Variants in COL22A1 observed in about 807,000 individuals in gnomAD.
COL22A1 encodes the protein collagen alpha-1(XXII) chain.
Under a neutral mutation model 248.9 loss-of-function variants are expected in COL22A1, and 221 were observed. The ratio of observed to expected loss-of-function variants is 0.89; its 90% CI spans 0.80 to 0.99. The LOEUF is 0.99. Ranked by LOEUF, COL22A1 falls within the 50% of genes least tolerant of loss-of-function variation. The pLI, the probability that COL22A1 is intolerant of heterozygous loss-of-function variation, is 0.00. For missense variants in COL22A1, 2,240 were observed against 2,179.0 expected (o/e 1.03, Z -0.56); for synonymous variants, 891 against 793.4 (o/e 1.12, Z -2.07).
chr8:138,691,588 T>A (rs749876263), intron 35 of COL22A1, among the ~76,000 whole-genome samples: 31 of 151,206 alleles, frequency 2.1e-4, no homozygotes, highest in Non-Finnish European at 3.4e-4. Flanking sequence ...CGTGTGCATT[T>A]GTGAAGGTGT....
chr8:138,610,182 G>A (rs1244645756), intron 56 of COL22A1, among the ~76,000 whole-genome samples: 1 of 152,192 alleles, frequency 6.6e-6, no homozygotes. Flanking sequence ...CGTGAATGCG[G>A]ACAGAAATCA....
intron 7 of COL22A1, 74 bp downstream of exon 7, chr8:138,821,062 T>G: frequency 6.6e-7 from 1 of 1,521,744 alleles, no homozygotes; most frequent in Non-Finnish European, 9.0e-7. Flanking sequence ...TGGAGAACAC[T>G]GAGGGCACTT....
At chr8:138,743,320 G>A (rs1367673916) in intron 22 of COL22A1, among the ~76,000 whole-genome samples, 1 of 151,858 alleles carries the variant, frequency 6.6e-6, no homozygotes, top group African/African-American at 2.4e-5. Context: ...TGAGGGTGAT[G>A]GTGGTAGTGA....
At chr8:138,869,816 C>T (rs1050912641) in intron 3 of COL22A1, among the ~76,000 whole-genome samples, 9 of 152,172 alleles carry the variant, frequency 5.9e-5, no homozygotes, top group Admixed American at 2.6e-4. Flanking sequence ...CTCTACGTGG[C>T]GGCTCCAAAC....
chr8:138,760,570 A>T (rs1000242505), intron 17 of COL22A1, among the ~76,000 whole-genome samples: 3 of 152,156 alleles, frequency 2.0e-5, no homozygotes, highest in Non-Finnish European at 2.9e-5. Context: ...CCTTAGGGAT[A>T]TGAGGGCCTG....
chr8:138,893,549 G>C (rs534220870), intron 1 of COL22A1, among the ~76,000 whole-genome samples: 1 of 152,156 alleles, frequency 6.6e-6, no homozygotes, highest in Non-Finnish European at 1.5e-5. Flanking sequence ...AAATGGGAAC[G>C]ATATCCCCTA....
chr8:138,743,220 T>C (rs922576577), intron 22 of COL22A1, among the ~76,000 whole-genome samples: 8 of 151,558 alleles, frequency 5.3e-5, no homozygotes, highest in South Asian at 2.1e-4. Context: ...TTGATGGTGA[T>C]AGTAGTAGCG....
intron 12 of COL22A1, among the ~76,000 whole-genome samples, chr8:138,786,085 G>A (rs997100859): frequency 1.3e-5 from 2 of 152,196 alleles, no homozygotes; most frequent in Admixed American, 1.3e-4. Flanking sequence ...AATTGTCGAA[G>A]TGCTCTGAGT....
At chr8:138,685,009 C>G (rs969956018) in intron 38 of COL22A1, among the ~76,000 whole-genome samples, 199 bp downstream of exon 38, 1 of 152,228 alleles carries the variant, frequency 6.6e-6, no homozygotes, top group African/African-American at 2.4e-5. Context: ...CTCTGTATCC[C>G]CAGCACTGGC....
At chr8:138,700,434 C>G (rs1352953736) in intron 31 of COL22A1, among the ~76,000 whole-genome samples, 1 of 152,130 alleles carries the variant, frequency 6.6e-6, no homozygotes, top group Non-Finnish European at 1.5e-5. Flanking sequence ...ATGTCCCCAT[C>G]GGTAAAACGG....
chr8:138,623,692 A>T (rs1377524826), intron 52 of COL22A1, 40 bp downstream of exon 52: 20 of 1,547,470 alleles, frequency 1.3e-5, no homozygotes, highest in Non-Finnish European at 1.8e-5. Context: ...CATGTAATAG[A>T]TTTGGCATGT....
At chr8:138,592,245 T>A (rs1817133517) in intron 63 of COL22A1, among the ~76,000 whole-genome samples, 1 of 152,220 alleles carries the variant, frequency 6.6e-6, no homozygotes, top group Non-Finnish European at 1.5e-5. Flanking sequence ...GAGATCATAT[T>A]TGAATGAAGA....
chr8:138,902,942 C>G (rs1814728061), intron 1 of COL22A1, among the ~76,000 whole-genome samples: 1 of 152,018 alleles, frequency 6.6e-6, no homozygotes, highest in Non-Finnish European at 1.5e-5. Flanking sequence ...GTCGTCCACC[C>G]CTGGTTGTTC....
At chr8:138,829,324 C>T (rs947823722) in intron 5 of COL22A1, among the ~76,000 whole-genome samples, 1 of 152,018 alleles carries the variant, frequency 6.6e-6, no homozygotes, top group Non-Finnish European at 1.5e-5. Flanking sequence ...CATCCACAGA[C>T]ACACGCTTTG....
At chr8:138,613,210 T>G (rs1302826468) in intron 56 of COL22A1, among the ~76,000 whole-genome samples, 1 of 148,456 alleles carries the variant, frequency 6.7e-6, no homozygotes, top group Non-Finnish European at 1.5e-5. Context: ...ATCACGCCAG[T>G]GCACTGCAGC....
intron 5 of COL22A1, 92 bp downstream of exon 5, chr8:138,832,947 T>A: frequency 7.4e-6 from 6 of 815,726 alleles, no homozygotes; most frequent in Non-Finnish European, 1.2e-5. Flanking sequence ...AAAGCCCGGC[T>A]CGGTGCCAAG....
At chr8:138,753,723 G>C (rs955072409) in intron 21 of COL22A1, among the ~76,000 whole-genome samples, 1 of 152,128 alleles carries the variant, frequency 6.6e-6, no homozygotes, top group Non-Finnish European at 1.5e-5. Flanking sequence ...TTGATATAAG[G>C]TAGGTGGTCA....
chr8:138,679,158 T>C (rs1216095578), intron 40 of COL22A1, among the ~76,000 whole-genome samples: 1 of 152,132 alleles, frequency 6.6e-6, no homozygotes, highest in Non-Finnish European at 1.5e-5. Flanking sequence ...ACTCAAACAG[T>C]CCTCCCTCTA....
At chr8:138,883,299 G>C (rs942628182) in intron 1 of COL22A1, 55 bp from the exon 2 acceptor site, 1 of 955,752 alleles carries the variant, frequency 1.0e-6, no homozygotes, top group East Asian at 2.7e-5. Context: ...GTCTGTGAGA[G>C]GCAAACTCTG....
Sources: gnomAD v4.1 joint callset for allele counts (sites outside exome capture counted in the v4.1 genomes callset) on GRCh38, gnomAD v4.1.1 for gene constraint, MANE v1.5 for transcripts, NCBI Gene and HGNC (gene_info 2026-07-23, HGNC 2026-07-21) for gene names.